Variants in GSK3B observed in about 807,000 individuals in gnomAD.
GSK3B encodes the protein glycogen synthase kinase-3 beta.
A neutral mutation model predicts 56.4 loss-of-function variants in GSK3B; 15 were observed. The ratio of observed to expected loss-of-function variants is 0.27; its 90% CI spans 0.18 to 0.41. GSK3B has a LOEUF of 0.41. GSK3B is among the 10% of genes least tolerant of loss of function. The pLI, the probability that GSK3B is intolerant of heterozygous loss-of-function variation, is 1.00. For missense variants in GSK3B, 300 were observed against 513.4 expected, an observed-to-expected ratio of 0.58 and a Z score of 4.02; for synonymous variants, 181 against 188.9, an observed-to-expected ratio of 0.96 and a Z score of 0.34.
chr3:119,978,546 G>A (rs2057430505), intron 2 of GSK3B, among the ~76,000 whole-genome samples: 1 of 152,172 alleles, frequency 6.6e-6, no homozygotes, highest in African/African-American at 2.4e-5. Flanking sequence ...GGGGGCAGAG[G>A]CTCTCTTGCA....
chr3:119,927,055 C>T (rs2056895347), intron 3 of GSK3B, among the ~76,000 whole-genome samples: 1 of 152,174 alleles, frequency 6.6e-6, no homozygotes, highest in African/African-American at 2.4e-5. Flanking sequence ...TTATTCACTG[C>T]TCTATCTCCA....
intron 6 of GSK3B, among the ~76,000 whole-genome samples, chr3:119,908,436 T>A (rs1209284849): frequency 6.6e-6 from 1 of 152,176 alleles, no homozygotes; most frequent in African/African-American, 2.4e-5. Flanking sequence ...CACAAAAGAA[T>A]ACCACCTTTC....
chr3:119,845,477 C>T (rs1298789232), intron 9 of GSK3B, among the ~76,000 whole-genome samples: 3 of 152,202 alleles, frequency 2.0e-5, no homozygotes, highest in African/African-American at 7.2e-5. Context: ...TCGCAGGATA[C>T]AAAATCAATC....
At chr3:119,912,658 A>C (rs200394828) in intron 6 of GSK3B, 46 bp downstream of exon 6, 16 of 836,892 alleles carry the variant, frequency 1.9e-5, no homozygotes, top group Admixed American at 4.0e-5. Flanking sequence ...ACCAAAATCA[A>C]GAAGCAATTA....
intron 6 of GSK3B, among the ~76,000 whole-genome samples, chr3:119,912,487 C>G (rs2056744010): frequency 6.8e-6 from 1 of 147,808 alleles, no homozygotes; most frequent in African/African-American, 2.5e-5. Context: ...AGGGTTGACA[C>G]AAACCTTTGA....
At chr3:119,939,701 G>A (rs889777591) in intron 3 of GSK3B, among the ~76,000 whole-genome samples, 1 of 152,134 alleles carries the variant, frequency 6.6e-6, no homozygotes, top group African/African-American at 2.4e-5. Flanking sequence ...CAGTGAAATA[G>A]AAAGAACAGA....
At chr3:119,991,279 A>G (rs77213075) in intron 2 of GSK3B, among the ~76,000 whole-genome samples, 2,765 of 152,184 alleles carry the variant, frequency 0.018, 91 homozygotes, top group African/African-American at 0.063. Context: ...AATATTTCCT[A>G]TCACAAGCAC....
chr3:120,077,956 T>C (rs1314731296), intron 1 of GSK3B, among the ~76,000 whole-genome samples: 3 of 152,146 alleles, frequency 2.0e-5, no homozygotes, highest in Non-Finnish European at 4.4e-5. Flanking sequence ...CCTCAGATTC[T>C]TCACTCATTA....
intron 7 of GSK3B, among the ~76,000 whole-genome samples, chr3:119,894,222 T>C (rs1247275011): frequency 6.6e-6 from 1 of 152,122 alleles, no homozygotes. Context: ...ATAACATTGC[T>C]ATAAACTTTG....
chr3:119,863,072 AAATGCTACT>A (rs2056129549), intron 9 of GSK3B, among the ~76,000 whole-genome samples: 1 of 152,252 alleles, frequency 6.6e-6, no homozygotes, highest in South Asian at 2.1e-4. Context: ...TGGAAGCAAG[AAATGCTACT>A]ATTTTGTTTC....
chr3:119,974,958 G>C (rs998223509), intron 2 of GSK3B, among the ~76,000 whole-genome samples: 8 of 152,122 alleles, frequency 5.3e-5, no homozygotes, highest in East Asian at 1.9e-4. Context: ...TCTTACCACA[G>C]CAATTGTACT....
chr3:120,057,229 A>C (rs1017596488), intron 1 of GSK3B, among the ~76,000 whole-genome samples: 11 of 152,258 alleles, frequency 7.2e-5, no homozygotes, highest in African/African-American at 2.7e-4. Context: ...TTAAATCAAC[A>C]ATTTTTTTTA....
intron 7 of GSK3B, among the ~76,000 whole-genome samples, chr3:119,886,253 A>G (rs1394999670): frequency 2.6e-5 from 4 of 152,172 alleles, no homozygotes; most frequent in Non-Finnish European, 4.4e-5. Flanking sequence ...AAACTTCTCT[A>G]AAGAAGAGAT....
Position 119,822,083 on chromosome 3 carries a change from T to C in GSK3B, c.*4705A>G, listed in dbSNP as rs560188953. On this transcript the variant is annotated 3_prime_UTR_variant, in exon 11 of 11. Transcript: ENST00000264235. ...GAATGGGGAAAGGGAAAAAAAACATTGAGCATACTTTTCACAAAAAAGTTT... is the reference window on the plus strand; with the variant it reads ...GAATGGGGAAAGGGAAAAAAAACATCGAGCATACTTTTCACAAAAAAGTTT... 6 of 196,924 alleles carry C rather than the reference T, an allele frequency of 3.0e-5. No individual in the cohort carries two copies. Among genetic ancestry groups the C allele is most frequent in the African/African-American group, 1.4e-4 (6 of 42,896 alleles). The allele number at this position is 196,924 out of a possible 1,614,324, so 12.2% of individuals were successfully genotyped here.
intron 1 of GSK3B, among the ~76,000 whole-genome samples, chr3:120,002,463 C>T (rs575110155): frequency 1.3e-4 from 20 of 152,004 alleles, no homozygotes; most frequent in Middle Eastern, 3.4e-3. Context: ...CTCAGCCTCC[C>T]GAGTAGCTAG....
intron 8 of GSK3B, among the ~76,000 whole-genome samples, chr3:119,864,564 G>A (rs562496025): frequency 6.6e-5 from 10 of 152,300 alleles, no homozygotes; most frequent in African/African-American, 2.2e-4. Flanking sequence ...AAGGTGTGAC[G>A]ATGGAGGTGG....
chr3:119,989,266 T>C (rs2057542376), intron 2 of GSK3B, among the ~76,000 whole-genome samples: 1 of 152,042 alleles, frequency 6.6e-6, no homozygotes, highest in East Asian at 1.9e-4. Flanking sequence ...AACTCCTAAA[T>C]ACATCACACT....
intron 1 of GSK3B, among the ~76,000 whole-genome samples, chr3:120,071,545 T>C (rs146666484): frequency 1.5e-3 from 233 of 152,262 alleles, no homozygotes; most frequent in Middle Eastern, 3.4e-3. Flanking sequence ...TGAACTCTAT[T>C]GTAAAGCACA....
At chr3:119,862,605 C>T (rs1466919305) in intron 9 of GSK3B, among the ~76,000 whole-genome samples, 1 of 146,746 alleles carries the variant, frequency 6.8e-6, no homozygotes, top group Non-Finnish European at 1.5e-5. Flanking sequence ...TAAAACTCTA[C>T]ATCTCCCTTT....
Sources: gnomAD v4.1 joint callset for allele counts (sites outside exome capture counted in the v4.1 genomes callset) on GRCh38, gnomAD v4.1.1 for gene constraint, MANE v1.5 for transcripts, NCBI Gene and HGNC (gene_info 2026-07-23, HGNC 2026-07-21) for gene names.